Variants in TNKS observed in about 807,000 individuals in gnomAD.
TNKS encodes poly [ADP-ribose] polymerase tankyrase-1.
TNKS carries 72 observed loss-of-function variants against 135.8 expected under a neutral mutation model. The ratio of observed to expected loss-of-function variants is 0.53; its 90% CI spans 0.44 to 0.64. TNKS has a LOEUF of 0.64. Among genes scored for constraint, TNKS ranks in the 30% least tolerant of loss-of-function variants. The pLI is 0.00. For synonymous variants in TNKS, 849 were observed against 649.3 expected (o/e 1.31, Z -4.68); for missense variants, 1,769 against 1,674.0 (o/e 1.06, Z -0.99).
rs1180573311 is a variant in TNKS at position 9,555,919 on chromosome 8, C to T, written c.-21C>T. On this transcript the variant is annotated 5_prime_UTR_variant, in exon 1 of 27. Coordinates refer to ENST00000310430, the MANE Select transcript of TNKS (RefSeq NM_003747.3). Reference sequence around the variant, plus strand: ...GCGGTGGGGGCCGTTGCCGCAGTGACAGTGCTAGGGGAGTCCGAAGATGGC... The same window carrying T: ...GCGGTGGGGGCCGTTGCCGCAGTGATAGTGCTAGGGGAGTCCGAAGATGGC... 2.5e-6 allele frequency: 4 copies of T among 1,578,318 alleles called. No individual in the cohort carries two copies. Among genetic ancestry groups the T allele is most frequent in the Non-Finnish European group, 3.4e-6 (4 of 1,165,970 alleles).
intron 5 of TNKS, among the ~76,000 whole-genome samples, chr8:9,704,045 A>T (rs1054282415): frequency 6.6e-6 from 1 of 152,224 alleles, no homozygotes; most frequent in East Asian, 1.9e-4. Context: ...GGTACATAAA[A>T]TGGAAGAATT....
At chr8:9,718,276 C>T (rs895245619) in intron 11 of TNKS, among the ~76,000 whole-genome samples, 1 of 152,136 alleles carries the variant, frequency 6.6e-6, no homozygotes, top group African/African-American at 2.4e-5. Flanking sequence ...TACTTGAAAT[C>T]AGCTTTTAGG....
Position 9,776,719 on chromosome 8 carries a change from G to A in TNKS, c.3967G>A (p.Ala1323Thr), listed in dbSNP as rs145459182. ...PEAPSQTATA[A>T]EQKT is the part of the protein sequence containing the mutation. ...AGCCCCTTCCCAGACCGCAACAGCCGCAGAGCAGAAGACCTAGTGAATGCC... is the reference window on the plus strand; with the variant it reads ...AGCCCCTTCCCAGACCGCAACAGCCACAGAGCAGAAGACCTAGTGAATGCC... The change falls in exon 27 of 27, where the codon GCA (alanine) becomes ACA (threonine). Residue 1323 changes from alanine to threonine, a missense_variant. Transcript: ENST00000310430. 5.4e-4 allele frequency: 874 copies of A among 1,613,950 alleles called. 3 individuals are homozygous for A. The highest frequency in any genetic ancestry group is 2.6e-3 in the East Asian group (116 of 44,874).
chr8:9,684,792 G>C (rs1171514617), intron 5 of TNKS, among the ~76,000 whole-genome samples: 1 of 152,020 alleles, frequency 6.6e-6, no homozygotes, highest in Admixed American at 6.6e-5. Flanking sequence ...TAGTGTCATG[G>C]GAGATAACTA....
chr8:9,688,410 G>C (rs972007033), intron 5 of TNKS, among the ~76,000 whole-genome samples: 1 of 152,162 alleles, frequency 6.6e-6, no homozygotes, highest in African/African-American at 2.4e-5. Context: ...ACTTTGAATT[G>C]ACATTATTAA....
chr8:9,686,988 T>C (rs1454163888), intron 5 of TNKS, among the ~76,000 whole-genome samples: 1 of 152,226 alleles, frequency 6.6e-6, no homozygotes, highest in Non-Finnish European at 1.5e-5. Flanking sequence ...TTACCCATAA[T>C]GCAGAATTGA....
chr8:9,581,293 C>T (rs1275750500), intron 2 of TNKS, among the ~76,000 whole-genome samples: 1 of 152,164 alleles, frequency 6.6e-6, no homozygotes, highest in Non-Finnish European at 1.5e-5. Context: ...TATTGCAATG[C>T]CTGATATAAA....
chr8:9,611,523 T>C (rs1189932142), intron 2 of TNKS, among the ~76,000 whole-genome samples: 1 of 152,242 alleles, frequency 6.6e-6, no homozygotes. Context: ...AAGATAAATT[T>C]CTAATTTTAT....
At chr8:9,577,049 T>G (rs1797976539) in intron 1 of TNKS, among the ~76,000 whole-genome samples, 1 of 152,182 alleles carries the variant, frequency 6.6e-6, no homozygotes, top group Non-Finnish European at 1.5e-5. Flanking sequence ...TCAACTGTAT[T>G]CATATATTTA....
chr8:9,748,530 T>C (rs550883068), intron 18 of TNKS, among the ~76,000 whole-genome samples: 1 of 152,304 alleles, frequency 6.6e-6, no homozygotes, highest in East Asian at 1.9e-4. Flanking sequence ...ATTTGGCATG[T>C]TATTGTAGAG....
Position 9,679,932 on chromosome 8 carries a change from A to T in TNKS, c.995-19A>T. ...TCTTCTGCCAAATGCTAACAGCATG[A>T]TATTTTGCAATCATCTAGGTGAATA... On this transcript the variant is annotated intron_variant, in intron 3 of 26. Coordinates refer to ENST00000310430, the MANE Select transcript of TNKS (RefSeq NM_003747.3). 6.2e-7 allele frequency: 1 copy of T among 1,606,146 alleles called. No individual in the cohort carries two copies. Among genetic ancestry groups the T allele is most frequent in the Non-Finnish European group, 8.5e-7 (1 of 1,172,906 alleles).
chr8:9,770,377 TATTA>T (rs1807754807), intron 26 of TNKS, 115 bp downstream of exon 26: 1 of 1,081,142 alleles, frequency 9.2e-7, no homozygotes, highest in South Asian at 1.8e-5. Flanking sequence ...AGTGTGCTAG[TATTA>T]ATTACTTCAG....
At chr8:9,675,428 T>C (rs1245302241) in intron 3 of TNKS, among the ~76,000 whole-genome samples, 1 of 152,202 alleles carries the variant, frequency 6.6e-6, no homozygotes, top group Non-Finnish European at 1.5e-5. Context: ...AGTCTTTACA[T>C]ACTTCTTCCC....
At chr8:9,608,525 C>T (rs1799321165) in intron 2 of TNKS, among the ~76,000 whole-genome samples, 1 of 152,074 alleles carries the variant, frequency 6.6e-6, no homozygotes, top group Non-Finnish European at 1.5e-5. Context: ...GACCTCTACT[C>T]ACTTTGTTGT....
chr8:9,754,137 G>A (rs1007964370), intron 20 of TNKS, among the ~76,000 whole-genome samples: 4 of 151,954 alleles, frequency 2.6e-5, no homozygotes, highest in East Asian at 1.9e-4. Flanking sequence ...ACATAATTTC[G>A]TCTGCAGACA....
rs140834028 is a variant in TNKS, at chr8:9,623,896, G to A, written c.994+8219G>A. 2.2e-3 allele frequency among the ~76,000 whole-genome samples: 332 copies of A among 152,158 alleles called. 1 individual carries two copies. The highest frequency in any genetic ancestry group is 7.6e-3 in the African/African-American group (317 of 41,504). ...GGGCGCCTGTAATCCCAGCCACTCCGGAGGGTGAGGCTGGAGAATTGCTTG... is the reference window on the plus strand; with the variant it reads ...GGGCGCCTGTAATCCCAGCCACTCCAGAGGGTGAGGCTGGAGAATTGCTTG... On this transcript the variant is annotated intron_variant, in intron 3 of 26. Transcript: ENST00000310430.
intron 3 of TNKS, among the ~76,000 whole-genome samples, chr8:9,619,070 C>T (rs1406232880): frequency 6.6e-6 from 1 of 152,138 alleles, no homozygotes; most frequent in African/African-American, 2.4e-5. Flanking sequence ...TTATTCTTCC[C>T]TGTGAATTTA....
chr8:9,732,913 C>T (rs1421298873), intron 14 of TNKS, among the ~76,000 whole-genome samples: 2 of 152,142 alleles, frequency 1.3e-5, no homozygotes, highest in Non-Finnish European at 2.9e-5. Flanking sequence ...ATTTAATCAC[C>T]ACTATGATTT....
In TNKS at chr8:9,643,286, A is replaced by G. The variant is rs890043892; in HGVS notation, c.994+27609A>G. 1.2e-4 allele frequency among the ~76,000 whole-genome samples: 18 copies of G among 145,956 alleles called. 1 individual carries two copies. The highest frequency in any genetic ancestry group is 4.6e-4 in the African/African-American group (18 of 39,410). ...AGAAGTTTATTTTTTTCAGTTCTAG[A>G]AGCTGAGAAGTCCAAGGTTGAGGGA... On this transcript the variant is annotated intron_variant, in intron 3 of 26. Transcript: ENST00000310430.
Sources: allele counts gnomAD v4.1 joint callset (sites outside exome capture counted in the v4.1 genomes callset), GRCh38; gene constraint gnomAD v4.1.1; transcripts MANE v1.5; gene names NCBI Gene and HGNC (gene_info 2026-07-23, HGNC 2026-07-21).